ANKHD1: variants seen among roughly 807,000 people sequenced by gnomAD.
The protein encoded by ANKHD1 is ankyrin repeat and KH domain-containing protein 1.
A neutral mutation model predicts 230.5 loss-of-function variants in ANKHD1; 31 were observed. The ratio of observed to expected loss-of-function variants is 0.13; its 90% CI spans 0.10 to 0.18. The LOEUF (loss-of-function observed/expected upper bound fraction) is 0.18. ANKHD1 is among the 10% of genes least tolerant of loss of function. ANKHD1 has a pLI of 1.00. For missense variants in ANKHD1, 2,256 were observed against 3,071.3 expected (o/e 0.73, Z 6.27); for synonymous variants, 1,074 against 1,117.6 (o/e 0.96, Z 0.78).
At chr5:140,414,538 A>C (rs1771197517) in intron 1 of ANKHD1, among the ~76,000 whole-genome samples, 1 of 152,168 alleles carries the variant, frequency 6.6e-6, no homozygotes, top group South Asian at 2.1e-4. Context: ...TTTAAAAAGA[A>C]ATTGTATTGC....
At chr5:140,473,647 T>A (rs1750789396) in intron 10 of ANKHD1, among the ~76,000 whole-genome samples, 1 of 152,222 alleles carries the variant, frequency 6.6e-6, no homozygotes, top group Admixed American at 6.5e-5. Flanking sequence ...CACTGTACTG[T>A]CCAGGCTGGA....
intron 6 of ANKHD1, 89 bp downstream of exon 6, chr5:140,446,064 CTTA>C: frequency 8.1e-7 from 1 of 1,239,240 alleles, no homozygotes; most frequent in Non-Finnish European, 1.1e-6. Flanking sequence ...CTTTATATTG[CTTA>C]TGTTTTCCCT....
chr5:140,451,158 C>A (rs1035080862), intron 7 of ANKHD1, among the ~76,000 whole-genome samples: 5 of 151,566 alleles, frequency 3.3e-5, no homozygotes, highest in African/African-American at 1.2e-4. Context: ...TCTCAAAAAA[C>A]AAAACAAAAC....
intron 15 of ANKHD1, among the ~76,000 whole-genome samples, chr5:140,498,953 T>C (rs1052367619): frequency 6.6e-6 from 1 of 152,042 alleles, no homozygotes; most frequent in Non-Finnish European, 1.5e-5. Context: ...GTTAAATTAG[T>C]CTTTTACAAA....
intron 22 of ANKHD1, 128 bp downstream of exon 22, chr5:140,510,309 CTTTTT>C (rs34693244): frequency 8.4e-4 from 452 of 539,222 alleles, no homozygotes; most frequent in East Asian, 1.3e-3. Flanking sequence ...TCTTTCCATT[CTTTTT>C]TTTTTTTTTT....
intron 1 of ANKHD1, among the ~76,000 whole-genome samples, chr5:140,427,640 C>T (rs1561704109): frequency 1.4e-5 from 2 of 143,180 alleles, no homozygotes; most frequent in East Asian, 2.2e-4. Flanking sequence ...GCTGGCCGGG[C>T]GGGGGGCTGA....
intron 24 of ANKHD1, among the ~76,000 whole-genome samples, chr5:140,518,888 C>T (rs928067976): frequency 1.3e-5 from 2 of 152,158 alleles, no homozygotes; most frequent in African/African-American, 4.8e-5. Context: ...GACAGGGATG[C>T]CCTCTCTCAC....
chr5:140,503,634 C>T (rs1372947702), intron 15 of ANKHD1, among the ~76,000 whole-genome samples: 3 of 123,342 alleles, frequency 2.4e-5, no homozygotes, highest in Admixed American at 1.1e-4. Flanking sequence ...GTGGTGCGAT[C>T]CTAGCTCACT....
At chr5:140,409,843 C>T (rs1194262932) in intron 1 of ANKHD1, among the ~76,000 whole-genome samples, 3 of 152,202 alleles carry the variant, frequency 2.0e-5, no homozygotes, top group African/African-American at 4.8e-5. Context: ...TGAGCCACCG[C>T]GCCCAGCCAC....
intron 1 of ANKHD1, among the ~76,000 whole-genome samples, chr5:140,409,508 T>TG (rs746591872): frequency 1.3e-4 from 19 of 151,922 alleles, no homozygotes; most frequent in Non-Finnish European, 2.5e-4. Context: ...ACTTTGGAAA[T>TG]GCTTATTGAA....
chr5:140,404,172 T>C (rs573967786), intron 1 of ANKHD1, among the ~76,000 whole-genome samples: 7 of 152,334 alleles, frequency 4.6e-5, no homozygotes, highest in Non-Finnish European at 1.0e-4. Flanking sequence ...GAAGGCTTTA[T>C]TTTATCCTTT....
intron 1 of ANKHD1, among the ~76,000 whole-genome samples, chr5:140,421,448 C>T (rs960451806): frequency 3.3e-5 from 5 of 151,548 alleles, no homozygotes; most frequent in South Asian, 2.1e-4. Flanking sequence ...TTACAGGGGC[C>T]GGCCACCACA....
rs1451688120 is a variant in ANKHD1 at position 140,535,420 on chromosome 5, A to G, written c.6909A>G (p.Ala2303=). The stretch of plus-strand genomic sequence containing the variant: ...CATCTTCCTCTTCTGCTCCTCTGGC[A>G]AGTTTTTCCGGCATACCAGGAACAA... ...SSPSSSSAPL[A]SFSGIPGTRV... is the part of the protein sequence containing the mutation. The change falls in exon 30 of 34, where the codon GCA becomes GCG. Residue 2303 remains alanine, a synonymous_variant. Coordinates refer to ENST00000360839, the MANE Select transcript of ANKHD1 (RefSeq NM_017747.3). The G allele has an allele frequency of 6.8e-6, 11 of 1,613,632 alleles. No individual in the cohort carries two copies. Among genetic ancestry groups the G allele is most frequent in the Non-Finnish European group, 8.5e-6 (10 of 1,179,838 alleles).
At chr5:140,472,236 C>G in intron 10 of ANKHD1, 1 of 1,610,198 alleles carries the variant, frequency 6.2e-7, no homozygotes, top group Non-Finnish European at 8.5e-7. Flanking sequence ...TTTCCTTTCG[C>G]AGGACAAGCA....
chr5:140,472,207 A>G (rs1351947403), intron 10 of ANKHD1: 9 of 1,604,148 alleles, frequency 5.6e-6, no homozygotes, highest in Non-Finnish European at 7.7e-6. Context: ...TTTTGGAATA[A>G]GATCCGTGAG....
At chr5:140,408,163 C>T (rs1401803154) in intron 1 of ANKHD1, among the ~76,000 whole-genome samples, 1 of 152,046 alleles carries the variant, frequency 6.6e-6, no homozygotes, top group African/African-American at 2.4e-5. Flanking sequence ...GGTAACAGAG[C>T]AAGACTCCAT....
intron 1 of ANKHD1, among the ~76,000 whole-genome samples, chr5:140,405,658 G>A (rs1488996962): frequency 6.6e-6 from 1 of 151,744 alleles, no homozygotes; most frequent in Non-Finnish European, 1.5e-5. Context: ...TTTGAGACAG[G>A]GTCTCATTCT....
intron 1 of ANKHD1, among the ~76,000 whole-genome samples, chr5:140,424,872 C>G (rs1035212759): frequency 1.3e-5 from 2 of 152,200 alleles, no homozygotes; most frequent in African/African-American, 4.8e-5. Context: ...ACTTTGTTGT[C>G]TGAAACACAT....
intron 25 of ANKHD1, among the ~76,000 whole-genome samples, chr5:140,525,427 T>G (rs1334917046): frequency 6.6e-6 from 1 of 152,020 alleles, no homozygotes; most frequent in Non-Finnish European, 1.5e-5. Flanking sequence ...CATCCCCAGC[T>G]AATTTTTGTA....
Sources: allele counts gnomAD v4.1 joint callset (sites outside exome capture counted in the v4.1 genomes callset), GRCh38; gene constraint gnomAD v4.1.1; transcripts MANE v1.5; gene names NCBI Gene and HGNC (gene_info 2026-07-23, HGNC 2026-07-21).